Variants in ZFYVE26 observed in about 807,000 individuals in gnomAD.
ZFYVE26 encodes the protein zinc finger FYVE domain-containing protein 26.
ZFYVE26 carries 181 observed loss-of-function variants against 276.5 expected under a neutral mutation model. That is an observed-to-expected ratio of 0.65 (90% confidence interval 0.58 to 0.74). The LOEUF is 0.74. Among genes scored for constraint, ZFYVE26 ranks in the 30% least tolerant of loss-of-function variants. ZFYVE26 has a pLI of 0.00. For missense variants in ZFYVE26, 2,821 were observed against 3,097.9 expected (o/e 0.91, Z 2.12); for synonymous variants, 1,129 against 1,203.1 (o/e 0.94, Z 1.27).
At chr14:67,810,019 C>T (rs1484075710) in intron 3 of ZFYVE26, among the ~76,000 whole-genome samples, 3 of 150,608 alleles carry the variant, frequency 2.0e-5, no homozygotes, top group Non-Finnish European at 3.0e-5. Flanking sequence ...CTCCTGACCT[C>T]GTGATCCGCC....
intron 29 of ZFYVE26, 44 bp downstream of exon 29, chr14:67,769,550 T>G: frequency 1.2e-6 from 2 of 1,610,118 alleles, no homozygotes; most frequent in Non-Finnish European, 8.5e-7. Context: ...TGCGGAAGGG[T>G]GCAGCGGTCA....
chr14:67,805,792 G>A (rs772551203), intron 6 of ZFYVE26, among the ~76,000 whole-genome samples, 174 bp from the exon 7 acceptor site: 4 of 152,210 alleles, frequency 2.6e-5, no homozygotes, highest in African/African-American at 9.7e-5. Flanking sequence ...ACTTTGGGAG[G>A]CCAAAGCAGG....
At chr14:67,742,838 C>CTTTTTTTTTTTTTTTTTTTTTTTTT (rs71446342), downstream of ZFYVE26, among the ~76,000 whole-genome samples, 5 of 89,768 alleles carry the variant, frequency 5.6e-5, no homozygotes, top group African/African-American at 1.7e-4. Flanking sequence ...TCTTCTTCTT[C>CTTTTTTTTTTTTTTTTTTTTTTTTT]TTTTTTTTTT....
intron 35 of ZFYVE26, chr14:67,761,057 T>G (rs1194531658): frequency 1.7e-6 from 1 of 603,818 alleles, no homozygotes. Context: ...CACACAAGAC[T>G]CACACTGAGC....
downstream of ZFYVE26, chr14:67,746,420 T>C (rs1368349182): frequency 1.4e-5 from 2 of 141,568 alleles, no homozygotes; most frequent in Non-Finnish European, 3.1e-5. Context: ...TAAGTCTGAA[T>C]TGAAGGCCAT....
At position 67,755,142 on chromosome 14, in the gene ZFYVE26, G is replaced by C; in HGVS notation, c.6895C>G (p.Leu2299Val). The part of the protein sequence containing the change: ...LSWLLKAKDH[L>V]KIYLQETSRS... Reference sequence around the variant, plus strand: ...GATGTTTCTTGGAGGTAGATCTTCAGGTGGTCCTTGGCCTTAAGTAGCCAT... The same window carrying C: ...GATGTTTCTTGGAGGTAGATCTTCACGTGGTCCTTGGCCTTAAGTAGCCAT... Residue 2299 changes from leucine (L) to valine (V), a missense_variant, in exon 37 of 42, where the codon CTG becomes GTG. Leu to Val is a conservative substitution (Grantham distance 32, BLOSUM62 1). Transcript: ENST00000347230. 6.2e-7 allele frequency: 1 copy of C among 1,614,032 alleles called. No individual in the cohort carries two copies. Among genetic ancestry groups the C allele is most frequent in the East Asian group, 2.2e-5 (1 of 44,880 alleles).
chr14:67,770,673 T>G (rs1187486338), intron 28 of ZFYVE26, among the ~76,000 whole-genome samples: 2 of 152,174 alleles, frequency 1.3e-5, no homozygotes, highest in African/African-American at 2.4e-5. Context: ...TTAAGAGAGA[T>G]AACTTAAGCA....
At chr14:67,733,984 C>A (rs2038320704) in intron 13 of ZFYVE26, 5 of 662,048 alleles carry the variant, frequency 7.6e-6, no homozygotes, top group Non-Finnish European at 1.4e-5. Flanking sequence ...TCCTCTTGAC[C>A]CTTCTGGGAA....
At chr14:67,755,339 A>G in intron 36 of ZFYVE26, 89 bp from the exon 37 acceptor site, 2 of 1,476,838 alleles carry the variant, frequency 1.4e-6, no homozygotes, top group Non-Finnish European at 1.9e-6. Flanking sequence ...ATTTCTGCCT[A>G]TGAGACCTTG....
intron 9 of ZFYVE26, among the ~76,000 whole-genome samples, chr14:67,802,578 A>C (rs1185991493): frequency 1.3e-5 from 2 of 151,996 alleles, no homozygotes; most frequent in African/African-American, 4.8e-5. Context: ...TGCCTCCTTA[A>C]ATTTTGCACC....
chr14:67,784,495 C>T (rs2039597604), intron 19 of ZFYVE26, 59 bp from the exon 20 acceptor site: 8 of 1,491,438 alleles, frequency 5.4e-6, no homozygotes, highest in Non-Finnish European at 6.5e-6. Context: ...GTTCAGAGCC[C>T]TGTTTCCCAG....
intron 14 of ZFYVE26, chr14:67,729,089 C>T: frequency 8.3e-7 from 1 of 1,210,220 alleles, no homozygotes; most frequent in Non-Finnish European, 1.2e-6. Context: ...GGTTATGTTT[C>T]CTGAGTCCCT....
chr14:67,741,985 G>C (rs2038420427), downstream of ZFYVE26, among the ~76,000 whole-genome samples: 1 of 152,212 alleles, frequency 6.6e-6, no homozygotes, highest in Non-Finnish European at 1.5e-5. Context: ...TATCATCCCT[G>C]TCTAGTGAAG....
chr14:67,746,000 C>A (rs1224084253), downstream of ZFYVE26, among the ~76,000 whole-genome samples: 2 of 138,714 alleles, frequency 1.4e-5, no homozygotes, highest in Non-Finnish European at 3.0e-5. Flanking sequence ...ACCCATCGGA[C>A]TAGCATAGAT....
At position 67,772,124 on chromosome 14, in the gene ZFYVE26, G is replaced by A. The variant is rs1393452550; in HGVS notation, c.5407C>T (p.Pro1803Ser). The change falls in exon 28 of 42, where the codon CCC (proline) becomes TCC (serine). Residue 1803 changes from proline to serine, a missense_variant. By Grantham distance (74) the Pro-to-Ser change is moderately conservative. Transcript: ENST00000347230. ...GGTACCCACTGGTGCCTGGCAGGGG[G>A]TGTCGCTGGGGGCACAAATTCCTGT... The part of the protein sequence containing the change: ...PSQEFVPPAT[P>S]PARHQWVPDE... 1.2e-6 allele frequency: 2 copies of A among 1,613,076 alleles called. No individual in the cohort carries two copies. Among genetic ancestry groups the A allele is most frequent in the Middle Eastern group, 1.7e-4 (1 of 5,770 alleles).
chr14:67,789,510 C>G lies in ZFYVE26; in HGVS notation c.2844G>C (p.Trp948Cys). 6.2e-7 allele frequency: 1 copy of G among 1,614,142 alleles called. No individual in the cohort carries two copies. Among genetic ancestry groups the G allele is most frequent in the Non-Finnish European group, 8.5e-7 (1 of 1,180,040 alleles). Residue 948 changes from tryptophan (W) to cysteine (C), a missense_variant, in exon 16 of 42, where the codon TGG (tryptophan) becomes TGC (cysteine). Coordinates refer to ENST00000347230, the MANE Select transcript of ZFYVE26 (RefSeq NM_015346.4). ...DPIPMLQEDF[W>C]ISTALVEPTA... Reference sequence around the variant, plus strand: ...TGGGCTCCACTAGAGCCGTGCTTATCCAAAAGTCCTCCTGGAGCATGGGGA... The same window carrying G: ...TGGGCTCCACTAGAGCCGTGCTTATGCAAAAGTCCTCCTGGAGCATGGGGA...
chr14:67,805,165 C>G (rs2040151348), intron 8 of ZFYVE26, 52 bp downstream of exon 8: 2 of 1,572,926 alleles, frequency 1.3e-6, no homozygotes, highest in African/African-American at 1.4e-5. Flanking sequence ...ATGCGGAGCA[C>G]AGGGTCAGCT....
Position 67,777,543 on chromosome 14 carries a change from C to T in ZFYVE26, c.4974+16G>A. On this transcript the variant is annotated intron_variant, in intron 25 of 41. Transcript: ENST00000347230. ...GATCCCACATACAGCGCCTGGATTT[C>T]ACGGTGTATCCTTACCTTGGATCCC... is the stretch of plus-strand genomic sequence containing the variant. 6.2e-7 allele frequency: 1 copy of T among 1,613,244 alleles called. No homozygotes were observed. Among genetic ancestry groups the T allele is most frequent in the Non-Finnish European group, 8.5e-7 (1 of 1,179,838 alleles).
intron 12 of ZFYVE26, 156 bp downstream of exon 12, chr14:67,797,516 T>G: frequency 1.2e-6 from 1 of 803,224 alleles, no homozygotes; most frequent in Non-Finnish European, 2.1e-6. Flanking sequence ...AAAGGATACA[T>G]AGGAAACTAT....
Sources: gnomAD v4.1 joint callset for allele counts (sites outside exome capture counted in the v4.1 genomes callset) on GRCh38, gnomAD v4.1.1 for gene constraint, MANE v1.5 for transcripts, NCBI Gene and HGNC (gene_info 2026-07-23, HGNC 2026-07-21) for gene names.